Variants in GLI3 observed in about 807,000 individuals in gnomAD.
GLI3 encodes transcription activator GLI3.
GLI3 carries 20 observed loss-of-function variants against 100.8 expected under a neutral mutation model. That is an observed-to-expected ratio of 0.20 (90% CI 0.14 to 0.29). The LOEUF (loss-of-function observed/expected upper bound fraction) is 0.29. GLI3 is among the 10% of genes least tolerant of loss of function. GLI3 has a pLI of 1.00. For synonymous variants in GLI3, 938 were observed against 860.5 expected (o/e 1.09, Z -1.58); for missense variants, 2,040 against 2,128.5 (o/e 0.96, Z 0.82).
At chr7:42,091,167 A>C (rs1425518837) in intron 3 of GLI3, among the ~76,000 whole-genome samples, 2 of 152,248 alleles carry the variant, frequency 1.3e-5, no homozygotes, top group African/African-American at 2.4e-5. Context: ...GGGCCTCACA[A>C]ACTATGGAGC....
chr7:41,982,629 G>A (rs1246876587), intron 10 of GLI3, among the ~76,000 whole-genome samples: 1 of 150,922 alleles, frequency 6.6e-6, no homozygotes. Context: ...TTGAGCCCAG[G>A]AGGTCAAGGC....
At chr7:42,231,681 C>A (rs1036745090) in intron 1 of GLI3, among the ~76,000 whole-genome samples, 3 of 152,202 alleles carry the variant, frequency 2.0e-5, no homozygotes, top group African/African-American at 7.2e-5. Flanking sequence ...GATGAAATTT[C>A]TCTACACACT....
Position 42,146,071 on chromosome 7 carries a change from T to C in GLI3, c.367+2155A>G, listed in dbSNP as rs182660960. On this transcript the variant is annotated intron_variant, in intron 3 of 14. Coordinates refer to ENST00000395925, the MANE Select transcript of GLI3 (RefSeq NM_000168.6). ...CCATATTATCTATATAATAATGTAA[T>C]TTATGACCAATTTAGGGAGTACATT... 1.8e-3 allele frequency among the ~76,000 whole-genome samples: 270 copies of C among 152,286 alleles called. 1 individual carries two copies. Among genetic ancestry groups the C allele is most frequent in the African/African-American group, 6.3e-3 (261 of 41,548 alleles).
At position 41,977,847 on chromosome 7, in the gene GLI3, C is replaced by T. The variant is rs147166970; in HGVS notation, c.1648-125G>A. ...TCAGCAGCTTTTCAAAACCCAGGAA[C>T]AAAAAGTCCACTAAACTCTGCATTT... On this transcript the variant is annotated intron_variant, in intron 11 of 14. Transcript: ENST00000395925. 3.8e-4 allele frequency: 319 copies of T among 841,090 alleles called. No individual in the cohort carries two copies. The African/African-American group carries it at 4.7e-3, about 13-fold the overall frequency. 52.1% of individuals were successfully genotyped at this position (841,090 alleles called of 1,614,324 possible).
chr7:41,976,925 A>T (rs567966539), intron 12 of GLI3, among the ~76,000 whole-genome samples: 1 of 152,334 alleles, frequency 6.6e-6, no homozygotes, highest in East Asian at 1.9e-4. Flanking sequence ...ACCTAAAAAT[A>T]ACAGTAACAC....
intron 10 of GLI3, among the ~76,000 whole-genome samples, chr7:42,009,305 TA>T (rs1788543282): frequency 6.6e-6 from 1 of 152,106 alleles, no homozygotes; most frequent in Non-Finnish European, 1.5e-5. Context: ...ACCCAGAGGG[TA>T]TCAATGATCA....
chr7:42,064,621 G>C (rs1256369005), intron 4 of GLI3, among the ~76,000 whole-genome samples: 1 of 152,148 alleles, frequency 6.6e-6, no homozygotes, highest in Admixed American at 6.6e-5. Context: ...ATTGGGTGGG[G>C]AAGGGATGTG....
Position 42,099,637 on chromosome 7 carries a change from G to A in GLI3, c.368-22780C>T, listed in dbSNP as rs535856201. The stretch of plus-strand genomic sequence containing the variant: ...CAGCTCACTGCAGCTGCGACCTCCC[G>A]AACTCAAGTGATTCTCCTGAGTAGC... On this transcript the variant is annotated intron_variant, in intron 3 of 14. Coordinates refer to ENST00000395925, the MANE Select transcript of GLI3 (RefSeq NM_000168.6). Among the ~76,000 whole-genome samples the A allele has an allele frequency of 7.2e-5, 11 of 152,172 alleles. No individual in the cohort carries two copies. In the East Asian group the frequency reaches 1.2e-3, roughly 16 times the overall value.
chr7:42,020,857 T>G (rs1788917046), intron 10 of GLI3, among the ~76,000 whole-genome samples: 1 of 143,070 alleles, frequency 7.0e-6, no homozygotes, highest in South Asian at 2.2e-4. Context: ...GCCACTGCAC[T>G]CCAGCCTGGG....
intron 3 of GLI3, 57 bp from the exon 4 acceptor site, chr7:42,076,914 G>T: frequency 1.0e-6 from 1 of 1,003,612 alleles, no homozygotes. Flanking sequence ...ACAGCATTCC[G>T]ATTCACAAAG....
chr7:42,254,342 C>T (rs1219815201), intron 1 of GLI3, among the ~76,000 whole-genome samples: 1 of 151,928 alleles, frequency 6.6e-6, no homozygotes, highest in Non-Finnish European at 1.5e-5. Context: ...GTGAAGGAGG[C>T]CATAGCGAAA....
intron 7 of GLI3, among the ~76,000 whole-genome samples, chr7:42,034,709 C>T (rs1300023410): frequency 6.6e-6 from 1 of 152,056 alleles, no homozygotes. Flanking sequence ...ATGGCCAATC[C>T]GCTGAATTAG....
intron 2 of GLI3, among the ~76,000 whole-genome samples, chr7:42,178,396 C>G (rs924699454): frequency 2.8e-4 from 43 of 152,162 alleles, no homozygotes; most frequent in Non-Finnish European, 5.1e-4. Flanking sequence ...CGGCAGATAC[C>G]ATGGTACTGA....
chr7:42,173,003 G>A (rs181723147), intron 2 of GLI3, among the ~76,000 whole-genome samples: 44 of 152,304 alleles, frequency 2.9e-4, no homozygotes, highest in East Asian at 7.7e-4. Flanking sequence ...GCCCTTACCC[G>A]GTAGTGCCTG....
intron 4 of GLI3, among the ~76,000 whole-genome samples, chr7:42,054,108 CT>C (rs1562705693): frequency 6.6e-6 from 1 of 152,152 alleles, no homozygotes; most frequent in East Asian, 1.9e-4. Context: ...CCAGTGGAAA[CT>C]GTTTGTTGGT....
chr7:42,033,488 T>C (rs846330), intron 7 of GLI3, among the ~76,000 whole-genome samples: 94,871 of 152,040 alleles, frequency 0.62, 31,437 homozygotes, highest in African/African-American at 0.86. Flanking sequence ...CCTCTCCTAA[T>C]TCTTTTGCTC....
At chr7:42,154,730 TA>T (rs1218817346) in intron 2 of GLI3, among the ~76,000 whole-genome samples, 5 of 152,206 alleles carry the variant, frequency 3.3e-5, no homozygotes, top group African/African-American at 1.2e-4. Context: ...CCTGTAGTTT[TA>T]AAAAGCAGAA....
At chr7:42,193,981 G>A (rs539745913) in intron 2 of GLI3, among the ~76,000 whole-genome samples, 449 of 152,200 alleles carry the variant, frequency 3.0e-3, no homozygotes, top group Non-Finnish European at 5.4e-3. Flanking sequence ...CTCTCCAGAA[G>A]GACAAAAATA....
Position 42,236,452 on chromosome 7 carries a change from T to C in GLI3, c.-43+519A>G, listed in dbSNP as rs1294071997. Among the ~76,000 whole-genome samples the C allele has an allele frequency of 2.0e-5, 3 of 152,064 alleles. No homozygotes were observed. The East Asian group carries it at 5.8e-4, about 30-fold the overall frequency. ...ATCCGCTCACACCACACCCCCGCCC[T>C]CCGAAGCATAGCCCGGGCTGGAGAA... On this transcript the variant is annotated intron_variant, in intron 1 of 14. Coordinates refer to ENST00000395925, the MANE Select transcript of GLI3 (RefSeq NM_000168.6).
Sources: allele counts gnomAD v4.1 joint callset (sites outside exome capture counted in the v4.1 genomes callset), GRCh38; gene constraint gnomAD v4.1.1; transcripts MANE v1.5; gene names NCBI Gene and HGNC (gene_info 2026-07-23, HGNC 2026-07-21).